The following SPICE1 variants were observed in gnomAD, a reference collection of about 807,000 sequenced individuals.
The protein encoded by SPICE1 is spindle and centriole associated protein 1.
SPICE1 carries 75 observed loss-of-function variants against 102.7 expected under a neutral mutation model. The ratio of observed to expected loss-of-function variants is 0.73; its 90% CI spans 0.61 to 0.88. SPICE1 has a LOEUF of 0.88. Among genes scored for constraint, SPICE1 ranks in the 40% least tolerant of loss-of-function variants. The pLI is 0.00. For missense variants in SPICE1, 979 were observed against 1,020.1 expected, an observed-to-expected ratio of 0.96 and a Z score of 0.55; for synonymous variants, 308 against 350.3, an observed-to-expected ratio of 0.88 and a Z score of 1.35.
chr3:113,469,832 T>C (rs966543844), intron 7 of SPICE1, among the ~76,000 whole-genome samples: 8 of 152,154 alleles, frequency 5.3e-5, no homozygotes, highest in Non-Finnish European at 1.0e-4. Context: ...TCCTCCTCTC[T>C]CTTTCTCTAG....
chr3:113,479,681 T>C (rs1219615545), intron 7 of SPICE1, among the ~76,000 whole-genome samples: 1 of 152,088 alleles, frequency 6.6e-6, no homozygotes, highest in African/African-American at 2.4e-5. Flanking sequence ...AACATGAAAA[T>C]ATAAACTGAA....
At chr3:113,503,931 TAAAAAAAAAAAA>T (rs34217669) in intron 2 of SPICE1, among the ~76,000 whole-genome samples, 3 of 95,500 alleles carry the variant, frequency 3.1e-5, no homozygotes, top group African/African-American at 3.9e-5. Flanking sequence ...AGTTTCTATC[TAAAAAAAAAAAA>T]AAAAAAAAAA....
chr3:113,499,178 T>A (rs1412769687), intron 4 of SPICE1: 1 of 280,440 alleles, frequency 3.6e-6, no homozygotes. Flanking sequence ...AATAATAATT[T>A]TAAATATGAG....
intron 1 of SPICE1, among the ~76,000 whole-genome samples, chr3:113,507,131 C>G (rs1937127828): frequency 6.6e-6 from 1 of 152,164 alleles, no homozygotes; most frequent in Admixed American, 6.5e-5. Context: ...TCTAATATAT[C>G]TGTCACATAA....
chr3:113,450,579 A>ATTTTT, intron 14 of SPICE1, 63 bp from the exon 15 acceptor site: 1 of 1,216,026 alleles, frequency 8.2e-7, no homozygotes, highest in Non-Finnish European at 1.1e-6. Context: ...CTCTCCCACG[A>ATTTTT]TTTTTTTTTT....
Position 113,489,468 on chromosome 3 carries a change from A to C in SPICE1, c.493-405T>G, listed in dbSNP as rs1179322740. Reference sequence around the variant, plus strand: ...TACTCAAACTGCTCTCTACAAGGTCAACCTCAACACACTTATTTCTAACTC... The same window carrying C: ...TACTCAAACTGCTCTCTACAAGGTCCACCTCAACACACTTATTTCTAACTC... On this transcript the variant is annotated intron_variant, in intron 6 of 17. Transcript: ENST00000295872. Among the ~76,000 whole-genome samples the C allele has an allele frequency of 2.4e-4, 36 of 152,166 alleles. 1 individual carries two copies. The highest frequency in any genetic ancestry group is 2.4e-3 in the Admixed American group (36 of 15,282).
chr3:113,479,874 A>G (rs1936449992), intron 7 of SPICE1, among the ~76,000 whole-genome samples: 1 of 152,174 alleles, frequency 6.6e-6, no homozygotes, highest in African/African-American at 2.4e-5. Context: ...AAAATGCACA[A>G]CGAAGGAAAT....
rs1318444074 is a variant in SPICE1, at chr3:113,457,186, A to T, written c.1607T>A (p.Leu536Ter). Residue 536 changes from leucine (L) to a stop codon, truncating the protein, a stop_gained, in exon 13 of 18, where the codon TTA becomes TAA. Coordinates refer to ENST00000295872, the MANE Select transcript of SPICE1 (RefSeq NM_144718.4). LOFTEE classifies it high-confidence loss of function. Reference protein sequence around the residue: ...PAHIFEPAVLLTPPRQKSNLK... With the variant: ...PAHIFEPAVL ...GTTGCTCTTCTGCCTGGGTGGTGTT[A>T]ACAACACAGCTGGCTCAAAAATATG... The T allele has an allele frequency of 1.2e-6, 2 of 1,614,208 alleles. No homozygotes were observed. Among genetic ancestry groups the T allele is most frequent in the South Asian group, 2.2e-5 (2 of 91,088 alleles).
At chr3:113,463,422 T>A (rs1935980050) in intron 11 of SPICE1, among the ~76,000 whole-genome samples, 1 of 152,204 alleles carries the variant, frequency 6.6e-6, no homozygotes, top group South Asian at 2.1e-4. Context: ...CTGCACATCT[T>A]CCCAGGAGAA....
At chr3:113,487,001 T>C (rs1050120599) in intron 7 of SPICE1, among the ~76,000 whole-genome samples, 1 of 151,830 alleles carries the variant, frequency 6.6e-6, no homozygotes, top group Non-Finnish European at 1.5e-5. Context: ...GGATGGTGAC[T>C]GACACTACCC....
Position 113,450,344 on chromosome 3 carries a change from G to T in SPICE1, c.2315C>A (p.Ala772Glu). Residue 772 changes from alanine (A) to glutamate (E), a missense_variant, in exon 15 of 18, where the codon GCA becomes GAA. By Grantham distance (107) the Ala-to-Glu change is moderately radical. Transcript: ENST00000295872. ...PMSPVQLPLR[A>E]WTEGAKRTIE... ...ATGAATTTGTGACCAACCAGTCCAT[G>T]CTCTGAGAGGTAACTGAACAGGTGA... 1.2e-6 allele frequency: 2 copies of T among 1,614,076 alleles called. No homozygotes were observed. Among genetic ancestry groups the T allele is most frequent in the Non-Finnish European group, 1.7e-6 (2 of 1,179,996 alleles).
At chr3:113,477,771 C>T (rs1936389362) in intron 7 of SPICE1, among the ~76,000 whole-genome samples, 1 of 124,326 alleles carries the variant, frequency 8.0e-6, no homozygotes, top group East Asian at 2.4e-4. Flanking sequence ...GAACATCACA[C>T]TCTGGGAACT....
chr3:113,448,713 A>G (rs1935573245), intron 15 of SPICE1: 1 of 152,216 alleles, frequency 6.6e-6, no homozygotes, highest in African/African-American at 2.4e-5. Context: ...CTTAATGTTC[A>G]TCACAGGCAG....
At chr3:113,453,331 G>T in intron 14 of SPICE1, 135 bp downstream of exon 14, 1 of 987,206 alleles carries the variant, frequency 1.0e-6, no homozygotes, top group Non-Finnish European at 1.5e-6. Context: ...TTGTATTGAG[G>T]ACATGCCAAA....
chr3:113,499,605 T>C (rs771998650), intron 3 of SPICE1, 23 bp from the exon 4 acceptor site: 2 of 1,559,446 alleles, frequency 1.3e-6, no homozygotes, highest in African/African-American at 1.4e-5. Context: ...GAAAAGTACA[T>C]AAAGGAATGT....
chr3:113,468,812 A>G lies in SPICE1; in HGVS notation c.839T>C (p.Val280Ala), dbSNP rs767418394. 18 of 1,614,200 alleles carry G rather than the reference A, an allele frequency of 1.1e-5. No individual in the cohort carries two copies. Among genetic ancestry groups the G allele is most frequent in the Middle Eastern group, 1.6e-4 (1 of 6,062 alleles). Reference sequence around the variant, plus strand: ...CCTTGAGTTCAGCACGTGTCCCACAACGTAGCTTGAGTCTAGAGTCTCAGT... The same window carrying G: ...CCTTGAGTTCAGCACGTGTCCCACAGCGTAGCTTGAGTCTAGAGTCTCAGT... ...ESTETLDSSY[V>A]VGHVLNSRKQ... Residue 280 changes from valine to alanine, a missense_variant, in exon 9 of 18, where the codon GTT becomes GCT. Coordinates refer to ENST00000295872, the MANE Select transcript of SPICE1 (RefSeq NM_144718.4).
Position 113,445,268 on chromosome 3 carries a change from TA to T in SPICE1, c.*38del, listed in dbSNP as rs747072531. ...AGTCAGAGCAGGGAAAGGGAAGTAA[TA>T]AATTATTAAGAACAAACTCAGTGAG... is the stretch of plus-strand genomic sequence containing the variant. On this transcript the variant is annotated 3_prime_UTR_variant, in exon 18 of 18. Coordinates refer to ENST00000295872, the MANE Select transcript of SPICE1 (RefSeq NM_144718.4). 6.4e-7 allele frequency: 1 copy of T among 1,556,850 alleles called. No homozygotes were observed. The highest frequency in any genetic ancestry group is 2.3e-5 in the East Asian group (1 of 43,992).
At chr3:113,495,700 C>T (rs907473382) in intron 4 of SPICE1, among the ~76,000 whole-genome samples, 4 of 152,220 alleles carry the variant, frequency 2.6e-5, no homozygotes, top group Non-Finnish European at 4.4e-5. Context: ...CTTACTTAGC[C>T]GTCTTGCAAG....
intron 2 of SPICE1, among the ~76,000 whole-genome samples, chr3:113,503,886 T>A (rs1262729224): frequency 1.4e-5 from 2 of 146,984 alleles, no homozygotes; most frequent in Admixed American, 1.4e-4. Flanking sequence ...TGAGCCAAGA[T>A]TGTGCCACTG....
Sources: allele counts gnomAD v4.1 joint callset (sites outside exome capture counted in the v4.1 genomes callset), GRCh38; gene constraint gnomAD v4.1.1; transcripts MANE v1.5; gene names NCBI Gene and HGNC (gene_info 2026-07-23, HGNC 2026-07-21).